AHSG: variants seen among roughly 807,000 people sequenced by gnomAD.
The protein encoded by AHSG is alpha-2-HS-glycoprotein.
Under a neutral mutation model 30.1 loss-of-function variants are expected in AHSG, and 23 were observed. The observed-to-expected ratio is 0.76, with a 90% CI of 0.55 to 1.08. The LOEUF is 1.08. AHSG is among the 50% of genes least tolerant of loss of function. AHSG has a pLI of 0.00. For missense variants in AHSG, 469 were observed against 459.5 expected (o/e 1.02, Z -0.19); for synonymous variants, 164 against 186.3 (o/e 0.88, Z 0.98).
At position 186,620,766 on chromosome 3, in the gene AHSG, T is replaced by C; in HGVS notation, c.940T>C (p.Tyr314His). 6.2e-7 allele frequency: 1 copy of C among 1,614,186 alleles called. No homozygotes were observed. Among genetic ancestry groups the C allele is most frequent in the Non-Finnish European group, 8.5e-7 (1 of 1,180,024 alleles). Residue 314 changes from tyrosine (Y) to histidine (H), a missense_variant, in exon 7 of 7, where the codon TAC (tyrosine) becomes CAC (histidine). Tyr to His is a moderately conservative substitution (Grantham distance 83). Coordinates refer to ENST00000411641, the MANE Select transcript of AHSG (RefSeq NM_001622.4). ...AGGACACCAGTTGCACCGGGCGCAC[T>C]ACGACCTGCGCCACACCTTCATGGG... ...PPGHQLHRAH[Y>H]DLRHTFMGVV... is the part of the protein sequence containing the mutation.
chr3:186,615,069 A>T (rs1030896492), intron 1 of AHSG, among the ~76,000 whole-genome samples: 1 of 152,270 alleles, frequency 6.6e-6, no homozygotes, highest in African/African-American at 2.4e-5. Flanking sequence ...GCATCGTTGC[A>T]TGCCGGCACC....
Position 186,613,416 on chromosome 3 carries a change from CA to C in AHSG, c.213+68del, listed in dbSNP as rs55962811. ...GTACATGGAGCTCAATCAGGTGCCTCAAAAAATCACCATCACCCAGTGCAAA... is the reference window on the plus strand; with the variant it reads ...GTACATGGAGCTCAATCAGGTGCCTCAAAAATCACCATCACCCAGTGCAAA... On this transcript the variant is annotated intron_variant, in intron 1 of 6. Transcript: ENST00000411641. The C allele has an allele frequency of 5.0e-6, 7 of 1,409,768 alleles. No homozygotes were observed. In the Admixed American group the frequency reaches 1.3e-4, roughly 27 times the overall value. The allele number at this position is 1,409,768 out of a possible 1,614,324, so 87.3% of individuals were successfully genotyped here. A position where few individuals can be genotyped will look rare whatever the true frequency, so the allele number is the denominator to read the frequency against.
chr3:186,618,449 C>A (rs375237668), intron 4 of AHSG, 87 bp from the exon 5 acceptor site: 8 of 1,566,598 alleles, frequency 5.1e-6, no homozygotes, highest in East Asian at 2.3e-5. Context: ...TGGTGCTCCC[C>A]GAAGGAGGCT....
chr3:186,619,259 T>C (rs1716403004), intron 5 of AHSG, among the ~76,000 whole-genome samples: 1 of 152,016 alleles, frequency 6.6e-6, no homozygotes, highest in Non-Finnish European at 1.5e-5. Flanking sequence ...ATCGTGCCAC[T>C]GCACTCCAGC....
rs1181689740 is a variant in AHSG, at chr3:186,613,204, T to A, written c.63T>A (p.His21Gln). The A allele has an allele frequency of 1.9e-6, 3 of 1,614,178 alleles. No homozygotes were observed. The highest frequency in any genetic ancestry group is 2.2e-5 in the East Asian group (1 of 44,880). ...AQLWGCHSAP[H>Q]GPGLIYRQPN... ...TCTGGGGCTGCCACTCAGCCCCACA[T>A]GGCCCAGGGCTGATTTATAGACAAC... Residue 21 changes from histidine to glutamine, a missense_variant, in exon 1 of 7, where the codon CAT (histidine) becomes CAA (glutamine). Coordinates refer to ENST00000411641, the MANE Select transcript of AHSG (RefSeq NM_001622.4).
intron 2 of AHSG, among the ~76,000 whole-genome samples, 174 bp downstream of exon 2, chr3:186,615,969 G>A (rs1716291438): frequency 6.6e-6 from 1 of 152,236 alleles, no homozygotes; most frequent in Admixed American, 6.5e-5. Context: ...GCTGAGGCAA[G>A]TGGATCGCCT....
rs756960189 is a variant in AHSG, at chr3:186,616,506, G to A, written c.388G>A (p.Ala130Thr). Residue 130 changes from alanine to threonine, a missense_variant, in exon 3 of 7, where the codon GCA becomes ACA. Transcript: ENST00000411641. ...AGATGGCAAGTTTTCCGTGGTATAC[G>A]CAAAATGTGATTCCAGTCCAGGTAC... The part of the protein sequence containing the change: ...KLDGKFSVVY[A>T]KCDSSPDSAE... 26 of 1,611,880 alleles carry A rather than the reference G, an allele frequency of 1.6e-5. No homozygotes were observed. The highest frequency in any genetic ancestry group is 2.2e-5 in the Non-Finnish European group (26 of 1,178,872).
intron 4 of AHSG, 36 bp from the exon 5 acceptor site, chr3:186,618,500 T>A: frequency 6.2e-7 from 1 of 1,602,548 alleles, no homozygotes; most frequent in Non-Finnish European, 8.5e-7. Flanking sequence ...TTGTAAGTCA[T>A]CTTTCCTCAA....
chr3:186,619,152 C>A lies in AHSG; in HGVS notation c.675+515C>A, dbSNP rs554687869. Among the ~76,000 whole-genome samples the A allele has an allele frequency of 4.1e-4, 63 of 152,166 alleles. 1 individual carries two copies. The highest frequency in any genetic ancestry group is 3.4e-3 in the Middle Eastern group (1 of 294). ...TCTACTAAAAATACAAAAAAATTAG[C>A]CAGGCTTGGTGGTGAGCGCCTGTAG... On this transcript the variant is annotated intron_variant, in intron 5 of 6. Coordinates refer to ENST00000411641, the MANE Select transcript of AHSG (RefSeq NM_001622.4).
chr3:186,613,449 C>A (rs555254969), intron 1 of AHSG, 95 bp downstream of exon 1: 4 of 1,142,330 alleles, frequency 3.5e-6, no homozygotes, highest in African/African-American at 3.2e-5. Flanking sequence ...CAAATGAAAC[C>A]ACAGAGGAGT....
intron 3 of AHSG, among the ~76,000 whole-genome samples, chr3:186,616,838 T>C (rs887523389): frequency 1.3e-5 from 2 of 152,060 alleles, no homozygotes; most frequent in African/African-American, 4.8e-5. Context: ...GGTGCTCGCC[T>C]GTAATCCCAG....
chr3:186,616,437 C>T lies in AHSG; in HGVS notation c.325-6C>T. On this transcript the variant is annotated splice_polypyrimidine_tract_variant and splice_region_variant and intron_variant, in intron 2 of 6. Coordinates refer to ENST00000411641, the MANE Select transcript of AHSG (RefSeq NM_001622.4). Reference sequence around the variant, plus strand: ...CAGCCATCCTCACGTGGGTTTCTTTCTCCAGGCTGTCGAAGGAGACTGTGA... The same window carrying T: ...CAGCCATCCTCACGTGGGTTTCTTTTTCCAGGCTGTCGAAGGAGACTGTGA... 1 of 1,612,348 alleles carries T rather than the reference C, an allele frequency of 6.2e-7. No individual in the cohort carries two copies. The highest frequency in any genetic ancestry group is 8.5e-7 in the Non-Finnish European group (1 of 1,179,186).
Position 186,620,974 on chromosome 3 carries a change from G to C in AHSG, c.*44G>C. ...GAGGAGGTTTGGCACAGAAAACATAGCCACCATTTTGTCCAAGCCTGGGCA... is the reference window on the plus strand; with the variant it reads ...GAGGAGGTTTGGCACAGAAAACATACCCACCATTTTGTCCAAGCCTGGGCA... On this transcript the variant is annotated 3_prime_UTR_variant, in exon 7 of 7. Coordinates refer to ENST00000411641, the MANE Select transcript of AHSG (RefSeq NM_001622.4). 6.4e-7 allele frequency: 1 copy of C among 1,574,196 alleles called. No homozygotes were observed. The highest frequency in any genetic ancestry group is 8.7e-7 in the Non-Finnish European group (1 of 1,153,108).
At chr3:186,617,832 T>C (rs1473087749) in intron 4 of AHSG, 1 of 231,792 alleles carries the variant, frequency 4.3e-6, no homozygotes, top group Admixed American at 5.2e-5. Context: ...CATCTCATTG[T>C]ACTGTGGGTG....
intron 5 of AHSG, 38 bp from the exon 6 acceptor site, chr3:186,619,819 G>A (rs765868370): frequency 2.6e-6 from 4 of 1,542,274 alleles, no homozygotes; most frequent in Non-Finnish European, 3.5e-6. Flanking sequence ...ATCCATTTTT[G>A]AAATTAGTTA....
intron 4 of AHSG, 73 bp from the exon 5 acceptor site, chr3:186,618,463 T>A: frequency 6.3e-7 from 1 of 1,584,330 alleles, no homozygotes; most frequent in Admixed American, 1.7e-5. Flanking sequence ...GGAGGCTACT[T>A]CCCGCTCTCC....
In AHSG at chr3:186,620,636, A is replaced by T; in HGVS notation, c.810A>T (p.Thr270=). The part of the protein sequence containing the change: ...QPEGANEAVP[T]PVVDPDAPPS... ...AAGGTGCCAATGAAGCAGTCCCCAC[A>T]CCCGTGGTGGACCCAGATGCACCTC... Residue 270 remains threonine, a synonymous_variant, in exon 7 of 7, where the codon ACA becomes ACT. Coordinates refer to ENST00000411641, the MANE Select transcript of AHSG (RefSeq NM_001622.4). The T allele has an allele frequency of 6.2e-7, 1 of 1,613,066 alleles. No individual in the cohort carries two copies.
chr3:186,615,555 A>G, intron 1 of AHSG, 130 bp from the exon 2 acceptor site: 1 of 689,970 alleles, frequency 1.4e-6, no homozygotes, highest in Non-Finnish European at 2.6e-6. Context: ...GCAGACTGAC[A>G]GTAAGAATGA....
intron 5 of AHSG, among the ~76,000 whole-genome samples, chr3:186,619,464 A>C (rs12495827): frequency 0.014 from 2,157 of 152,334 alleles, 97 homozygotes; most frequent in Admixed American, 0.086. Flanking sequence ...AATTGTGCAG[A>C]CACTAAAAAT....
Sources: allele counts gnomAD v4.1 joint callset (sites outside exome capture counted in the v4.1 genomes callset), GRCh38; gene constraint gnomAD v4.1.1; transcripts MANE v1.5; gene names NCBI Gene and HGNC (gene_info 2026-07-23, HGNC 2026-07-21).